PREX2: variants seen among roughly 807,000 people sequenced by gnomAD.
The protein encoded by PREX2 is phosphatidylinositol 3,4,5-trisphosphate-dependent Rac exchanger 2 protein.
In PREX2, 107 loss-of-function variants were observed where a neutral mutation model predicts 203.2. The ratio of observed to expected loss-of-function variants is 0.53; its 90% CI spans 0.45 to 0.62. The LOEUF (loss-of-function observed/expected upper bound fraction) is 0.62. PREX2 is among the 20% of genes least tolerant of loss of function. PREX2 has a pLI of 0.00. For synonymous variants in PREX2, 672 were observed against 663.6 expected (o/e 1.01, Z -0.19); for missense variants, 1,777 against 1,955.9 (o/e 0.91, Z 1.72).
chr8:68,179,057 T>C (rs984707507), intron 35 of PREX2, among the ~76,000 whole-genome samples: 1 of 152,156 alleles, frequency 6.6e-6, no homozygotes, highest in Non-Finnish European at 1.5e-5. Flanking sequence ...TTAACAAACA[T>C]TACTTCTTGT....
At position 68,019,551 on chromosome 8, in the gene PREX2, GT is replaced by G; in HGVS notation, c.218del (p.Leu73CysfsTer16). On this transcript the variant is annotated frameshift_variant, in exon 3 of 40. Coordinates refer to ENST00000288368, the MANE Select transcript of PREX2 (RefSeq NM_024870.4). LOFTEE classifies it high-confidence loss of function. ...KNVTEETVKMLFSNIEDILAV... is the reference protein window; with the variant it reads ...KNVTEETVKMXFSNIEDILAV... The stretch of plus-strand genomic sequence containing the variant: ...CTTACACATTTGTTTATTTACAGAT[GT>G]TGTTCTCAAACATTGAAGACATCCT... 1.2e-6 allele frequency: 2 copies of G among 1,606,946 alleles called. No individual in the cohort carries two copies. Among genetic ancestry groups the G allele is most frequent in the Non-Finnish European group, 1.7e-6 (2 of 1,177,260 alleles).
At chr8:68,177,015 C>T (rs1323953964) in intron 35 of PREX2, 1 of 152,558 alleles carries the variant, frequency 6.6e-6, no homozygotes, top group African/African-American at 2.4e-5. Flanking sequence ...GCTGTGCTTC[C>T]AGTCCTGGAT....
At chr8:68,061,868 G>C (rs17445951) in intron 11 of PREX2, among the ~76,000 whole-genome samples, 7 of 151,994 alleles carry the variant, frequency 4.6e-5, no homozygotes. Flanking sequence ...ACAATGAACA[G>C]ACAGACAAAA....
chr8:68,127,282 C>G lies in PREX2; in HGVS notation c.3725-96C>G, dbSNP rs1810911651. On this transcript the variant is annotated intron_variant, in intron 30 of 39. Coordinates refer to ENST00000288368, the MANE Select transcript of PREX2 (RefSeq NM_024870.4). ...ACAACTACTTTTGCATGAACCTAGT[C>G]CAATAAGATCATACTAATTTTGACT... is the stretch of plus-strand genomic sequence containing the variant. 9 of 931,468 alleles carry G rather than the reference C, an allele frequency of 9.7e-6. No homozygotes were observed. The South Asian group carries it at 1.5e-4, about 16-fold the overall frequency. 57.7% of individuals were successfully genotyped at this position (931,468 alleles called of 1,614,324 possible). A position where few individuals can be genotyped will look rare whatever the true frequency, so the allele number is the denominator to read the frequency against.
intron 1 of PREX2, among the ~76,000 whole-genome samples, chr8:68,001,055 T>C (rs1182767498): frequency 6.6e-6 from 1 of 152,154 alleles, no homozygotes; most frequent in Non-Finnish European, 1.5e-5. Context: ...TATTTCATGA[T>C]AAAGATGCCA....
chr8:67,964,545 T>A (rs577259627), intron 1 of PREX2, among the ~76,000 whole-genome samples: 1 of 152,328 alleles, frequency 6.6e-6, no homozygotes, highest in South Asian at 2.1e-4. Flanking sequence ...TAATATATTC[T>A]TTCCCACATA....
chr8:67,997,484 A>C (rs1354216717), intron 1 of PREX2, among the ~76,000 whole-genome samples: 2 of 152,144 alleles, frequency 1.3e-5, no homozygotes, highest in Non-Finnish European at 2.9e-5. Flanking sequence ...TGTCCATTTT[A>C]TGCTCATTCT....
intron 3 of PREX2, 63 bp from the exon 4 acceptor site, chr8:68,021,973 A>ACAT (rs1807581669): frequency 1.2e-6 from 1 of 807,026 alleles, no homozygotes. Flanking sequence ...TAAGCATATC[A>ACAT]CATAGGTTAA....
intron 1 of PREX2, among the ~76,000 whole-genome samples, chr8:67,995,552 C>T (rs1005295016): frequency 1.3e-5 from 2 of 152,034 alleles, no homozygotes; most frequent in African/African-American, 2.4e-5. Flanking sequence ...ACGTTGAAAA[C>T]TTTCATATTG....
At chr8:68,058,781 T>G (rs1348169747) in intron 10 of PREX2, among the ~76,000 whole-genome samples, 3 of 152,112 alleles carry the variant, frequency 2.0e-5, no homozygotes, top group African/African-American at 7.2e-5. Flanking sequence ...GAAGCTGGAG[T>G]TTAAAGAGCT....
chr8:68,013,396 T>C (rs1451173377), intron 1 of PREX2, among the ~76,000 whole-genome samples: 5 of 152,170 alleles, frequency 3.3e-5, no homozygotes, highest in African/African-American at 1.2e-4. Flanking sequence ...CAGATTGGAA[T>C]GGCTAACTCC....
At chr8:68,042,776 A>G (rs1006660820) in intron 7 of PREX2, among the ~76,000 whole-genome samples, 2 of 152,130 alleles carry the variant, frequency 1.3e-5, no homozygotes, top group African/African-American at 2.4e-5. Flanking sequence ...ATCAAAATCT[A>G]TCTGAGCTAA....
intron 36 of PREX2, 132 bp downstream of exon 36, chr8:68,191,920 A>G (rs1158416432): frequency 3.2e-6 from 2 of 633,180 alleles, no homozygotes; most frequent in East Asian, 2.8e-5. Flanking sequence ...CTGTCATGAG[A>G]CAGTCTCTTC....
chr8:68,219,119 A>G (rs1205455580), intron 38 of PREX2, among the ~76,000 whole-genome samples: 1 of 152,178 alleles, frequency 6.6e-6, no homozygotes, highest in Non-Finnish European at 1.5e-5. Flanking sequence ...AGACTTGGGA[A>G]GCGCCATCTC....
intron 39 of PREX2, among the ~76,000 whole-genome samples, chr8:68,228,280 A>T (rs951945085): frequency 2.6e-5 from 4 of 151,996 alleles, no homozygotes. Flanking sequence ...TGAAAACCTG[A>T]TTTTCTTTAG....
chr8:68,000,883 A>G (rs1425968231), intron 1 of PREX2, among the ~76,000 whole-genome samples: 2 of 152,240 alleles, frequency 1.3e-5, no homozygotes, highest in Non-Finnish European at 2.9e-5. Flanking sequence ...GTGCTAGGAT[A>G]ACTGGCTAGC....
intron 23 of PREX2, among the ~76,000 whole-genome samples, chr8:68,103,242 G>A (rs532969064): frequency 5.3e-5 from 8 of 152,160 alleles, no homozygotes; most frequent in Non-Finnish European, 7.4e-5. Flanking sequence ...AATCTTCCCC[G>A]TGTCCCCTTC....
At chr8:68,106,417 G>T in intron 23 of PREX2, 1 of 456,420 alleles carries the variant, frequency 2.2e-6, no homozygotes, top group Non-Finnish European at 4.2e-6. Flanking sequence ...AAAATGTTTA[G>T]GATAAATTTT....
At chr8:67,957,977 C>G (rs1469007615) in intron 1 of PREX2, among the ~76,000 whole-genome samples, 1 of 152,152 alleles carries the variant, frequency 6.6e-6, no homozygotes, top group Non-Finnish European at 1.5e-5. Context: ...CAGAGAGATA[C>G]TGTGGTGTAC....
Sources: allele counts gnomAD v4.1 joint callset (sites outside exome capture counted in the v4.1 genomes callset), GRCh38; gene constraint gnomAD v4.1.1; transcripts MANE v1.5; gene names NCBI Gene and HGNC (gene_info 2026-07-23, HGNC 2026-07-21).